The following GALNT17 variants were observed in gnomAD, a reference collection of about 807,000 sequenced individuals.
GALNT17 encodes polypeptide N-acetylgalactosaminyltransferase 17.
In GALNT17, 29 loss-of-function variants were observed where a neutral mutation model predicts 63.7. That is an observed-to-expected ratio of 0.46 (90% CI 0.34 to 0.62). The LOEUF is 0.62. Among genes scored for constraint, GALNT17 ranks in the 20% least tolerant of loss-of-function variants. GALNT17 has a pLI of 0.01. For synonymous variants in GALNT17, 305 were observed against 318.3 expected, an observed-to-expected ratio of 0.96 and a Z score of 0.45; for missense variants, 603 against 799.6, an observed-to-expected ratio of 0.75 and a Z score of 2.97.
intron 1 of GALNT17, among the ~76,000 whole-genome samples, chr7:71,162,440 C>T (rs1585849520): frequency 6.6e-6 from 1 of 151,384 alleles, no homozygotes; most frequent in African/African-American, 2.4e-5. Flanking sequence ...ATCCATTCAT[C>T]CATCCATCCA....
intron 2 of GALNT17, among the ~76,000 whole-genome samples, chr7:71,374,123 T>C (rs1427508857): frequency 6.6e-6 from 1 of 152,246 alleles, no homozygotes; most frequent in African/African-American, 2.4e-5. Flanking sequence ...CAGTGAAATA[T>C]AAAGGAGTAA....
chr7:71,244,072 G>A (rs548889162), intron 1 of GALNT17, among the ~76,000 whole-genome samples: 10 of 152,208 alleles, frequency 6.6e-5, no homozygotes, highest in Non-Finnish European at 1.2e-4. Context: ...TAGGAAGGGA[G>A]TGACTAGAGC....
At chr7:71,662,754 A>G (rs1399350269) in intron 6 of GALNT17, among the ~76,000 whole-genome samples, 4 of 152,186 alleles carry the variant, frequency 2.6e-5, no homozygotes, top group Non-Finnish European at 4.4e-5. Flanking sequence ...GTTACATTTT[A>G]TTTATGCATT....
At chr7:71,401,740 A>G (rs1333651702) in intron 3 of GALNT17, among the ~76,000 whole-genome samples, 3 of 152,172 alleles carry the variant, frequency 2.0e-5, no homozygotes, top group Non-Finnish European at 4.4e-5. Flanking sequence ...ATGATCTGTC[A>G]CTGTGTCCCA....
intron 7 of GALNT17, among the ~76,000 whole-genome samples, chr7:71,666,431 G>T (rs1412453348): frequency 6.6e-6 from 1 of 150,786 alleles, no homozygotes; most frequent in Non-Finnish European, 1.5e-5. Context: ...ATTAGTTATT[G>T]GGGTACAGGT....
chr7:71,533,653 G>A (rs920752687), intron 5 of GALNT17, among the ~76,000 whole-genome samples: 9 of 152,156 alleles, frequency 5.9e-5, no homozygotes, highest in South Asian at 4.1e-4. Context: ...CTATAGGTTC[G>A]CTTTGCATGC....
chr7:71,628,714 T>C (rs1416326374), intron 6 of GALNT17, among the ~76,000 whole-genome samples: 1 of 151,704 alleles, frequency 6.6e-6, no homozygotes, highest in Non-Finnish European at 1.5e-5. Context: ...GTGAATCACT[T>C]GAGGTCAGGA....
intron 9 of GALNT17, among the ~76,000 whole-genome samples, chr7:71,684,088 G>C (rs905028786): frequency 2.0e-4 from 30 of 151,426 alleles, no homozygotes; most frequent in African/African-American, 7.3e-4. Flanking sequence ...ATTTGGAACA[G>C]AAGTTCTTGT....
At chr7:71,395,922 G>T (rs1045633593) in intron 3 of GALNT17, among the ~76,000 whole-genome samples, 1 of 152,004 alleles carries the variant, frequency 6.6e-6, no homozygotes, top group Non-Finnish European at 1.5e-5. Flanking sequence ...CAAGTACTTT[G>T]CCCATTTTAA....
In GALNT17 at chr7:71,635,300, C is replaced by G. The variant is rs374646657; in HGVS notation, c.1081-30111C>G. 9.6e-4 allele frequency among the ~76,000 whole-genome samples: 146 copies of G among 151,648 alleles called. No homozygotes were observed. In the South Asian group the frequency reaches 0.013, roughly 14 times the overall value. ...GCAGAGGAAGCTTTTAGGTACTAGG[C>G]TTTAGAGAAAAGAGGTTGTAAAATG... On this transcript the variant is annotated intron_variant, in intron 6 of 10. Transcript: ENST00000333538.
At chr7:71,617,741 C>T (rs1436149967) in intron 6 of GALNT17, among the ~76,000 whole-genome samples, 1 of 152,094 alleles carries the variant, frequency 6.6e-6, no homozygotes, top group Non-Finnish European at 1.5e-5. Flanking sequence ...CTCCCTGGTT[C>T]AAGCACTTCC....
intron 5 of GALNT17, among the ~76,000 whole-genome samples, chr7:71,429,820 C>T (rs953250971): frequency 3.3e-5 from 5 of 152,320 alleles, no homozygotes; most frequent in Admixed American, 6.5e-5. Context: ...GATTCTCCTA[C>T]TGCAGCCTCC....
chr7:71,418,433 G>T (rs1786590483), intron 4 of GALNT17, among the ~76,000 whole-genome samples: 1 of 152,138 alleles, frequency 6.6e-6, no homozygotes. Flanking sequence ...TTTCTCTCTT[G>T]TCTGCATGGC....
At chr7:71,254,242 G>A (rs1344235887) in intron 1 of GALNT17, among the ~76,000 whole-genome samples, 1 of 152,176 alleles carries the variant, frequency 6.6e-6, no homozygotes, top group Admixed American at 6.5e-5. Flanking sequence ...ATAGATTCTT[G>A]TGGAGGTCAA....
chr7:71,471,272 T>A (rs1039413287), intron 5 of GALNT17, among the ~76,000 whole-genome samples: 2 of 151,628 alleles, frequency 1.3e-5, no homozygotes, highest in Non-Finnish European at 2.9e-5. Context: ...AGAAAGGGTT[T>A]CCCCATGTTG....
At chr7:71,281,317 G>A (rs1262019898) in intron 1 of GALNT17, among the ~76,000 whole-genome samples, 2 of 152,180 alleles carry the variant, frequency 1.3e-5, no homozygotes, top group Non-Finnish European at 2.9e-5. Flanking sequence ...GACCAACCTG[G>A]CTAACATAGT....
chr7:71,389,353 C>G (rs1306335742), intron 3 of GALNT17, among the ~76,000 whole-genome samples: 2 of 151,962 alleles, frequency 1.3e-5, no homozygotes, highest in African/African-American at 2.4e-5. Context: ...AGGCTGATCT[C>G]GAACTCCTGA....
chr7:71,443,193 G>A (rs532593628), intron 5 of GALNT17, among the ~76,000 whole-genome samples: 88 of 152,260 alleles, frequency 5.8e-4, no homozygotes, highest in Non-Finnish European at 1.0e-3. Context: ...GGTTATTCTA[G>A]TTGAATACTG....
intron 6 of GALNT17, among the ~76,000 whole-genome samples, chr7:71,647,229 A>ATTTTTTTTTTTTTTTTTTTTTTTTTTT (rs5884850): frequency 2.2e-5 from 3 of 137,514 alleles, no homozygotes; most frequent in South Asian, 2.3e-4. Flanking sequence ...GTGCCCAGCT[A>ATTTTTTTTTTTTTTTTTTTTTTTTTTT]TTTTTTTTTT....
Sources: gnomAD v4.1 joint callset for allele counts (sites outside exome capture counted in the v4.1 genomes callset) on GRCh38, gnomAD v4.1.1 for gene constraint, MANE v1.5 for transcripts, NCBI Gene and HGNC (gene_info 2026-07-23, HGNC 2026-07-21) for gene names.